VEGFC: variants seen among roughly 807,000 people sequenced by gnomAD.
VEGFC encodes the protein FLT4 ligand DHM.
In VEGFC, 12 loss-of-function variants were observed where a neutral mutation model predicts 46.1. That is an observed-to-expected ratio of 0.26 (90% CI 0.17 to 0.42). The LOEUF (loss-of-function observed/expected upper bound fraction) is 0.42. Among genes scored for constraint, VEGFC ranks in the 10% least tolerant of loss-of-function variants. The pLI is 1.00. For synonymous variants in VEGFC, 232 were observed against 195.5 expected (o/e 1.19, Z -1.56); for missense variants, 488 against 529.4 (o/e 0.92, Z 0.77).
rs2110964691 is a variant in VEGFC at position 176,792,345 on chromosome 4, T to C, written c.-34A>G. On this transcript the variant is annotated 5_prime_UTR_variant, in exon 1 of 7. Coordinates refer to ENST00000618562, the MANE Select transcript of VEGFC (RefSeq NM_005429.5). The surrounding 1 kb of genome is among the most constrained non-coding windows in gnomAD (Gnocchi z 6.3). ...GACCGGGGGTGGGGGACCGGTCCGC[T>C]GGCGGGGGCAGGGGTGGGGGCGCGG... 3.1e-6 allele frequency: 3 copies of C among 975,978 alleles called. No homozygotes were observed. The highest frequency in any genetic ancestry group is 1.2e-4 in the East Asian group (2 of 16,990). 60.5% of individuals were successfully genotyped at this position (975,978 alleles called of 1,614,324 possible). A position where few individuals can be genotyped will look rare whatever the true frequency, so the allele number is the denominator to read the frequency against.
At chr4:176,787,676 G>A (rs1219910244) in intron 1 of VEGFC, among the ~76,000 whole-genome samples, 1 of 151,836 alleles carries the variant, frequency 6.6e-6, no homozygotes, top group Non-Finnish European at 1.5e-5. Flanking sequence ...AACAGTCTCT[G>A]CTTTCTCATG....
chr4:176,691,479 C>A lies in VEGFC; in HGVS notation c.705-3552G>T, dbSNP rs544011039. 2.4e-4 allele frequency among the ~76,000 whole-genome samples: 36 copies of A among 152,238 alleles called. No homozygotes were observed. In the South Asian group the frequency reaches 7.3e-3, roughly 31 times the overall value. ...CCCCACCGACCCCACCACACACACA[C>A]ACAGGCACAACCACAATCCTGCCTA... On this transcript the variant is annotated intron_variant, in intron 4 of 6. Transcript: ENST00000618562.
At chr4:176,783,541 A>T (rs1735948854) in intron 1 of VEGFC, among the ~76,000 whole-genome samples, 1 of 152,242 alleles carries the variant, frequency 6.6e-6, no homozygotes, top group African/African-American at 2.4e-5. Flanking sequence ...TTCATATTAA[A>T]TTATATGGCA....
intron 3 of VEGFC, 22 bp downstream of exon 3, chr4:176,727,749 CGCAGGTA>C (rs1560947401): frequency 6.3e-7 from 1 of 1,584,384 alleles, no homozygotes; most frequent in Non-Finnish European, 8.6e-7. Flanking sequence ...AGGGGGCTCT[CGCAGGTA>C]GCAGGAATGG....
chr4:176,727,645 C>A, intron 3 of VEGFC, 133 bp downstream of exon 3: 2 of 727,540 alleles, frequency 2.7e-6, no homozygotes, highest in South Asian at 3.4e-5. Flanking sequence ...ACTTCATTCC[C>A]CTAAAGAAAA....
intron 2 of VEGFC, 148 bp from the exon 3 acceptor site, chr4:176,728,116 T>C (rs369066540): frequency 1.8e-6 from 1 of 568,482 alleles, no homozygotes; most frequent in African/African-American, 1.9e-5. Context: ...GGATCCTAAA[T>C]TGACTTGTGA....
chr4:176,722,966 A>G (rs1734814057), intron 3 of VEGFC, among the ~76,000 whole-genome samples: 1 of 152,222 alleles, frequency 6.6e-6, no homozygotes, highest in South Asian at 2.1e-4. Context: ...TGAATATGCA[A>G]TGGTCACAGA....
intron 4 of VEGFC, among the ~76,000 whole-genome samples, chr4:176,693,959 TAAA>T (rs1734258651): frequency 1.3e-5 from 2 of 151,556 alleles, no homozygotes; most frequent in Non-Finnish European, 2.9e-5. Context: ...AGGCCTGCCC[TAAA>T]AGAGCTCCTG....
Position 176,684,950 on chromosome 4 carries a change from C to A in VEGFC, c.1146-910G>T, listed in dbSNP as rs200903637. 3.3e-5 allele frequency among the ~76,000 whole-genome samples: 5 copies of A among 152,298 alleles called. No homozygotes were observed. In the East Asian group the frequency reaches 9.7e-4, roughly 29 times the overall value. ...CCATGTTGGCTGGGCTGGTCTTGAA[C>A]TCCTGGCCTCAAGTGATCTGCCCGC... On this transcript the variant is annotated intron_variant, in intron 6 of 6. Coordinates refer to ENST00000618562, the MANE Select transcript of VEGFC (RefSeq NM_005429.5).
intron 1 of VEGFC, among the ~76,000 whole-genome samples, chr4:176,767,006 TAAAA>T (rs1287702353): frequency 7.6e-6 from 1 of 132,202 alleles, no homozygotes; most frequent in Admixed American, 7.5e-5. Flanking sequence ...ATCTGGCCAG[TAAAA>T]AAAAAGAAAG....
intron 4 of VEGFC, among the ~76,000 whole-genome samples, chr4:176,691,902 T>C (rs964502127): frequency 6.6e-6 from 1 of 152,126 alleles, no homozygotes; most frequent in Non-Finnish European, 1.5e-5. Context: ...TTCATCTCAC[T>C]AGGGAGTGCC....
chr4:176,711,726 G>GA, intron 3 of VEGFC, 76 bp from the exon 4 acceptor site: 1 of 1,452,022 alleles, frequency 6.9e-7, no homozygotes, highest in Non-Finnish European at 9.5e-7. Flanking sequence ...ATTGGAGTCC[G>GA]AAAAAGAGTG....
chr4:176,762,680 A>G (rs770465786), intron 1 of VEGFC, among the ~76,000 whole-genome samples: 2 of 152,244 alleles, frequency 1.3e-5, no homozygotes, highest in Non-Finnish European at 2.9e-5. Context: ...ATGTACTTCC[A>G]TATGTTTAAA....
intron 1 of VEGFC, among the ~76,000 whole-genome samples, chr4:176,756,073 G>A (rs1735428100): frequency 6.6e-6 from 1 of 151,994 alleles, no homozygotes; most frequent in Admixed American, 6.6e-5. Context: ...AAACACATGA[G>A]CTCAAATTCT....
chr4:176,772,901 C>A lies in VEGFC; in HGVS notation c.147+19264G>T, dbSNP rs75708455. Among the ~76,000 whole-genome samples, 1,096 of 152,302 alleles carry A rather than the reference C, an allele frequency of 7.2e-3. 14 individuals are homozygous for A. Among genetic ancestry groups the A allele is most frequent in the African/African-American group, 0.025 (1,044 of 41,568 alleles). ...AAACTAATTTCTTTTTATTATAAAT[C>A]ATCCAGTTTGTGATTTACAGCAACA... On this transcript the variant is annotated intron_variant, in intron 1 of 6. Transcript: ENST00000618562.
At chr4:176,700,318 G>A (rs1182118292) in intron 4 of VEGFC, among the ~76,000 whole-genome samples, 1 of 151,978 alleles carries the variant, frequency 6.6e-6, no homozygotes, top group Admixed American at 6.6e-5. Flanking sequence ...TCAGGAGGCT[G>A]AGGCAGGAGA....
At chr4:176,778,155 C>T (rs1735846214) in intron 1 of VEGFC, among the ~76,000 whole-genome samples, 1 of 151,940 alleles carries the variant, frequency 6.6e-6, no homozygotes, top group South Asian at 2.1e-4. Context: ...AGATGCTGAA[C>T]TTGAATCAGA....
At chr4:176,692,351 G>A (rs1433293249) in intron 4 of VEGFC, among the ~76,000 whole-genome samples, 2 of 133,736 alleles carry the variant, frequency 1.5e-5, no homozygotes, top group Admixed American at 7.2e-5. Flanking sequence ...CCGAGATCCC[G>A]CCACTGCACT....
intron 3 of VEGFC, among the ~76,000 whole-genome samples, chr4:176,711,990 G>A (rs1734628405): frequency 6.6e-6 from 1 of 151,998 alleles, no homozygotes; most frequent in Admixed American, 6.6e-5. Flanking sequence ...TATTTGAAAT[G>A]AACATTTAAA....
Sources: gnomAD v4.1 joint callset for allele counts (sites outside exome capture counted in the v4.1 genomes callset) on GRCh38, gnomAD v4.1.1 for gene constraint, Gnocchi (gnomAD v3.1) non-coding constraint, MANE v1.5 for transcripts, NCBI Gene and HGNC (gene_info 2026-07-23, HGNC 2026-07-21) for gene names.